The following RAD51B variants were observed in gnomAD, a reference collection of about 807,000 sequenced individuals.
RAD51B encodes DNA repair protein RAD51 homolog 2.
A neutral mutation model predicts 42.2 loss-of-function variants in RAD51B; 38 were observed. The ratio of observed to expected loss-of-function variants is 0.90; its 90% CI spans 0.70 to 1.18. The LOEUF is 1.18. Ranked by LOEUF, RAD51B falls within the 50% of genes most tolerant of loss-of-function variation. RAD51B has a pLI of 0.00. For synonymous variants in RAD51B, 154 were observed against 145.2 expected (o/e 1.06, Z -0.43); for missense variants, 373 against 400.7 (o/e 0.93, Z 0.59).
chr14:68,296,451 C>T (rs1030417067), intron 8 of RAD51B, among the ~76,000 whole-genome samples: 6 of 152,142 alleles, frequency 3.9e-5, no homozygotes, highest in African/African-American at 2.4e-5. Context: ...CCAATTCTTC[C>T]TTATGGTCAT....
rs1159954135 is a variant in RAD51B, at chr14:68,435,497, T to G, written c.957+23970T>G. On this transcript the variant is annotated intron_variant, in intron 9 of 10. Transcript: ENST00000471583. Reference sequence around the variant, plus strand: ...CTAAGTACATGTGGTTTTTGGTTTTTTTTTTTTTTTTTTGGGAGAACAATT... The same window carrying G: ...CTAAGTACATGTGGTTTTTGGTTTTGTTTTTTTTTTTTTGGGAGAACAATT... Among the ~76,000 whole-genome samples the G allele has an allele frequency of 3.3e-5, 5 of 151,576 alleles. No individual in the cohort carries two copies. In the South Asian group the frequency reaches 6.2e-4, roughly 19 times the overall value.
chr14:68,586,615 G>A (rs1429629479), intron 10 of RAD51B, among the ~76,000 whole-genome samples: 3 of 152,178 alleles, frequency 2.0e-5, no homozygotes, highest in African/African-American at 2.4e-5. Flanking sequence ...GCACAGCCAG[G>A]TAGGGAATGT....
chr14:68,484,544 A>G (rs1284736979), intron 10 of RAD51B, among the ~76,000 whole-genome samples: 7 of 151,880 alleles, frequency 4.6e-5, no homozygotes, highest in Admixed American at 4.6e-4. Context: ...TTTTTAGTAG[A>G]GACGGAGTTT....
intron 11 of RAD51B, among the ~76,000 whole-genome samples, chr14:68,657,043 G>C (rs8006682): frequency 0.36 from 55,015 of 152,076 alleles, 11,028 homozygotes; most frequent in East Asian, 0.82. Flanking sequence ...CTACATAGAA[G>C]TTTCTACAAA....
intron 8 of RAD51B, among the ~76,000 whole-genome samples, chr14:68,326,072 C>T (rs1293352232): frequency 1.9e-5 from 2 of 107,454 alleles, no homozygotes; most frequent in Admixed American, 1.4e-4. Flanking sequence ...CGGAGTTTCA[C>T]GCTTGTTTCC....
At chr14:68,640,487 T>C (rs1892437580) in intron 10 of RAD51B, among the ~76,000 whole-genome samples, 2 of 152,186 alleles carry the variant, frequency 1.3e-5, no homozygotes, top group African/African-American at 4.8e-5. Context: ...TTATTGTATA[T>C]CTACTGAGGG....
intron 10 of RAD51B, chr14:68,594,398 C>A: frequency 7.9e-7 from 1 of 1,264,080 alleles, no homozygotes; most frequent in South Asian, 1.2e-5. Flanking sequence ...AGGTCTTCCT[C>A]AACCATCCTC....
intron 7 of RAD51B, among the ~76,000 whole-genome samples, chr14:68,117,536 G>A (rs1005853420): frequency 6.6e-6 from 1 of 152,130 alleles, no homozygotes; most frequent in African/African-American, 2.4e-5. Flanking sequence ...CCCTCTCATA[G>A]AATAGCAAAT....
chr14:68,609,975 C>A (rs1891610582), intron 10 of RAD51B, among the ~76,000 whole-genome samples: 1 of 152,112 alleles, frequency 6.6e-6, no homozygotes, highest in Non-Finnish European at 1.5e-5. Context: ...CCTCCTCTCC[C>A]AGCACATCGC....
intron 5 of RAD51B, among the ~76,000 whole-genome samples, chr14:67,869,450 C>T (rs376631135): frequency 6.6e-6 from 1 of 152,168 alleles, no homozygotes; most frequent in Non-Finnish European, 1.5e-5. Flanking sequence ...AAGACCAAAT[C>T]TACGTCTGAT....
At chr14:68,255,908 A>G (rs752903028) in intron 7 of RAD51B, among the ~76,000 whole-genome samples, 3 of 152,218 alleles carry the variant, frequency 2.0e-5, no homozygotes, top group Non-Finnish European at 4.4e-5. Context: ...GATTGTTTAC[A>G]TGAGTGCTAT....
chr14:68,541,771 C>G, intron 10 of RAD51B: 4 of 985,360 alleles, frequency 4.1e-6, no homozygotes, highest in Non-Finnish European at 4.8e-6. Flanking sequence ...GTTTCAAGAT[C>G]TTCAGGCACT....
At chr14:67,905,569 G>A (rs532345703) in intron 7 of RAD51B, among the ~76,000 whole-genome samples, 2 of 152,038 alleles carry the variant, frequency 1.3e-5, no homozygotes, top group Middle Eastern at 3.4e-3. Context: ...CCATTTGTTT[G>A]TGTCATCTCT....
chr14:67,919,251 C>T lies in RAD51B; in HGVS notation c.756+32047C>T, dbSNP rs182143416. On this transcript the variant is annotated intron_variant, in intron 7 of 10. Transcript: ENST00000471583. ...GCAATTATAGTATTCTGTGAAGGTT[C>T]GTAAAGTTTAGTACTGTAGGAAACC... is the stretch of plus-strand genomic sequence containing the variant. Among the ~76,000 whole-genome samples, 6 of 152,184 alleles carry T rather than the reference C, an allele frequency of 3.9e-5. No individual in the cohort carries two copies. The East Asian group carries it at 5.8e-4, about 15-fold the overall frequency.
intron 10 of RAD51B, chr14:68,562,667 T>C: frequency 1.4e-5 from 14 of 985,434 alleles, no homozygotes; most frequent in Non-Finnish European, 1.7e-5. Flanking sequence ...AGAGTTGCTA[T>C]AGTGTTATGA....
chr14:68,466,158 A>T (rs1226875620), intron 9 of RAD51B, among the ~76,000 whole-genome samples: 1 of 152,126 alleles, frequency 6.6e-6, no homozygotes, highest in East Asian at 1.9e-4. Context: ...GAACATTTGT[A>T]AAAATTACTG....
At chr14:68,078,181 TAA>T (rs56720447) in intron 7 of RAD51B, among the ~76,000 whole-genome samples, 1 of 152,028 alleles carries the variant, frequency 6.6e-6, no homozygotes, top group Non-Finnish European at 1.5e-5. Flanking sequence ...CGCTAGGAAA[TAA>T]AAAAAAGTTT....
chr14:68,535,957 G>A (rs138592398), intron 10 of RAD51B, among the ~76,000 whole-genome samples: 2,328 of 152,302 alleles, frequency 0.015, 33 homozygotes, highest in Middle Eastern at 0.044. Context: ...TCTGGCTAAT[G>A]TAAGCCAGAG....
At chr14:68,579,616 T>C (rs1452883413) in intron 10 of RAD51B, among the ~76,000 whole-genome samples, 1 of 152,222 alleles carries the variant, frequency 6.6e-6, no homozygotes, top group Non-Finnish European at 1.5e-5. Context: ...TTGTCTGAAA[T>C]CCAGATTGTG....
Sources: gnomAD v4.1 joint callset for allele counts (sites outside exome capture counted in the v4.1 genomes callset) on GRCh38, gnomAD v4.1.1 for gene constraint, MANE v1.5 for transcripts, NCBI Gene and HGNC (gene_info 2026-07-23, HGNC 2026-07-21) for gene names.